The following TMEM47 variants were observed in gnomAD, a reference collection of about 807,000 sequenced individuals.
TMEM47 encodes the protein brain cell membrane protein 1.
A neutral mutation model predicts 12.4 loss-of-function variants in TMEM47; 3 were observed. That is an observed-to-expected ratio of 0.24 (90% confidence interval 0.11 to 0.63). TMEM47 has a LOEUF of 0.63. Among genes scored for constraint, TMEM47 ranks in the 20% least tolerant of loss-of-function variants. The probability of loss-of-function intolerance (pLI) is 0.86; values close to 1 mark genes in which losing one functional copy is unlikely to be tolerated. For missense variants in TMEM47, 89 were observed against 143.8 expected (o/e 0.62, Z 1.95); for synonymous variants, 62 against 63.3 (o/e 0.98, Z 0.10).
At chrX:34,636,243 G>A (rs913318717) in intron 2 of TMEM47, among the ~76,000 whole-genome samples, 1 of 111,288 alleles carries the variant, frequency 9.0e-6, no homozygotes, top group African/African-American at 3.3e-5. Flanking sequence ...GGTGATGAGG[G>A]CTGTAAGACA....
intron 1 of TMEM47, among the ~76,000 whole-genome samples, chrX:34,643,302 C>T (rs766597542): frequency 9.0e-6 from 1 of 110,568 alleles, no homozygotes; most frequent in African/African-American, 3.3e-5. Flanking sequence ...ACTTACCATC[C>T]GAAGTCCAAT....
At chrX:34,653,499 A>G (rs1162546514) in intron 1 of TMEM47, among the ~76,000 whole-genome samples, 3 of 112,095 alleles carry the variant, frequency 2.7e-5, no homozygotes, top group Non-Finnish European at 5.6e-5. Context: ...TCTGCTTTAC[A>G]TGAAATAGCT....
Position 34,630,311 on chromosome X carries a change from T to C in TMEM47, c.*2A>G. ...GTTGTTTTTACTTTGAGACTATTGG[T>C]TCTAGTAGTAGTCTTCATAGTTCTT... On this transcript the variant is annotated 3_prime_UTR_variant, in exon 3 of 3. Transcript: ENST00000275954. 1 of 1,198,469 alleles carries C rather than the reference T, an allele frequency of 8.3e-7. No homozygotes were observed. Among genetic ancestry groups the C allele is most frequent in the Middle Eastern group, 2.3e-4 (1 of 4,292 alleles).
intron 1 of TMEM47, among the ~76,000 whole-genome samples, chrX:34,648,576 C>T (rs1921957063): frequency 8.9e-6 from 1 of 111,859 alleles, no homozygotes; most frequent in Admixed American, 9.5e-5. Context: ...AAACCATAAA[C>T]TATAAACTAC....
At chrX:34,643,900 G>A (rs112512284) in intron 1 of TMEM47, among the ~76,000 whole-genome samples, 5,576 of 109,666 alleles carry the variant, frequency 0.051, 200 homozygotes, top group African/African-American at 0.12. Flanking sequence ...AATGGGATGG[G>A]AGGCATGTTT....
At position 34,630,239 on chromosome X, in the gene TMEM47, G is replaced by A; in HGVS notation, c.*74C>T. ...TGCTCCACAAGTGTTTTAGAAAATAGTAAGTTAGAAAAGATGCAGACGTAA... is the reference window on the plus strand; with the variant it reads ...TGCTCCACAAGTGTTTTAGAAAATAATAAGTTAGAAAAGATGCAGACGTAA... On this transcript the variant is annotated 3_prime_UTR_variant, in exon 3 of 3. Transcript: ENST00000275954. The A allele has an allele frequency of 1.0e-6, 1 of 993,359 alleles. No homozygotes were observed. The highest frequency in any genetic ancestry group is 1.9e-5 in the African/African-American group (1 of 52,849). The allele number at this position is 993,359 out of a possible 1,213,427, so 81.9% of individuals were successfully genotyped here.
At chrX:34,652,250 C>T (rs1424854815) in intron 1 of TMEM47, among the ~76,000 whole-genome samples, 1 of 111,765 alleles carries the variant, frequency 8.9e-6, no homozygotes, top group East Asian at 2.8e-4. Flanking sequence ...GCCCTCAGAA[C>T]CAGAAGTGGT....
At chrX:34,639,833 C>G (rs1056362588) in intron 1 of TMEM47, among the ~76,000 whole-genome samples, 5 of 111,099 alleles carry the variant, frequency 4.5e-5, no homozygotes, top group Non-Finnish European at 7.5e-5. Context: ...TCTCTTGCGC[C>G]CCTTCCCAGT....
chrX:34,651,581 AC>A (rs1380735236), intron 1 of TMEM47, among the ~76,000 whole-genome samples: 2 of 112,119 alleles, frequency 1.8e-5, no homozygotes, highest in East Asian at 5.6e-4. Context: ...TACACGACTA[AC>A]TTTTGTTGTG....
intron 2 of TMEM47, among the ~76,000 whole-genome samples, chrX:34,632,773 T>A (rs748704680): frequency 9.8e-5 from 11 of 111,733 alleles, no homozygotes; most frequent in Non-Finnish European, 1.9e-4. Context: ...GACCCACACT[T>A]CATCTATTTC....
chrX:34,631,710 G>C (rs757043340), intron 2 of TMEM47, among the ~76,000 whole-genome samples: 6 of 111,366 alleles, frequency 5.4e-5, no homozygotes, highest in Non-Finnish European at 1.1e-4. Flanking sequence ...GGAAGGGAAT[G>C]TTTATTTTGT....
chrX:34,636,728 C>T (rs1173551691), intron 2 of TMEM47, among the ~76,000 whole-genome samples: 1 of 111,856 alleles, frequency 8.9e-6, no homozygotes, highest in Non-Finnish European at 1.9e-5. Flanking sequence ...CATGCTGCAT[C>T]AATCAGTTTG....
chrX:34,642,676 C>T (rs1223495269), intron 1 of TMEM47, among the ~76,000 whole-genome samples: 1 of 112,142 alleles, frequency 8.9e-6, no homozygotes, highest in Non-Finnish European at 1.9e-5. Context: ...AGCATTACCA[C>T]TGTTGTGATA....
Position 34,657,215 on chromosome X carries a change from G to C in TMEM47, c.-186C>G. 1 of 652,370 alleles carries C rather than the reference G, an allele frequency of 1.5e-6. No homozygotes were observed. Among genetic ancestry groups the C allele is most frequent in the Non-Finnish European group, 2.0e-6 (1 of 501,036 alleles). 53.8% of individuals were successfully genotyped at this position (652,370 alleles called of 1,213,427 possible). ...GGTCTGCGGAGGCGGCCGGCCGGGT[G>C]TGGGTCGTCGGCAGCCGCAGCGACG... On this transcript the variant is annotated 5_prime_UTR_variant, in exon 1 of 3. Coordinates refer to ENST00000275954, the MANE Select transcript of TMEM47 (RefSeq NM_031442.4).
intron 2 of TMEM47, among the ~76,000 whole-genome samples, chrX:34,638,899 G>T (rs1196916063): frequency 9.0e-6 from 1 of 111,618 alleles, no homozygotes; most frequent in African/African-American, 3.3e-5. Context: ...AAATAATGCT[G>T]CCTTAAGATC....
intron 1 of TMEM47, among the ~76,000 whole-genome samples, chrX:34,654,014 G>A (rs781677807): frequency 9.0e-6 from 1 of 111,650 alleles, no homozygotes; most frequent in African/African-American, 3.3e-5. Context: ...ACTGACAACC[G>A]GATTAGTGGT....
At position 34,629,901 on chromosome X, in the gene TMEM47, G is replaced by T. The variant is rs1292461413; in HGVS notation, c.*412C>A. 8.6e-6 allele frequency: 1 copy of T among 115,753 alleles called. No homozygotes were observed. The highest frequency in any genetic ancestry group is 1.8e-5 in the Non-Finnish European group (1 of 55,880). 9.5% of individuals were successfully genotyped at this position (115,753 alleles called of 1,213,427 possible). ...AGTCATTGGGTAGGATAAGCAGGCG[G>T]TAAGGGCTCTAACAGTGGAATCCTT... On this transcript the variant is annotated 3_prime_UTR_variant, in exon 3 of 3. Coordinates refer to ENST00000275954, the MANE Select transcript of TMEM47 (RefSeq NM_031442.4).
intron 1 of TMEM47, among the ~76,000 whole-genome samples, chrX:34,646,081 C>T (rs370894774): frequency 1.8e-5 from 2 of 111,172 alleles, no homozygotes; most frequent in East Asian, 5.7e-4. Flanking sequence ...GACCAAAATG[C>T]GTGTTAATTT....
At chrX:34,646,749 A>G (rs1050231845) in intron 1 of TMEM47, among the ~76,000 whole-genome samples, 6 of 111,035 alleles carry the variant, frequency 5.4e-5, no homozygotes, top group African/African-American at 2.0e-4. Context: ...AAGAATAATC[A>G]AAGAGTAGAA....
Sources: gnomAD v4.1 joint callset for allele counts (sites outside exome capture counted in the v4.1 genomes callset) on GRCh38, gnomAD v4.1.1 for gene constraint, MANE v1.5 for transcripts, NCBI Gene and HGNC (gene_info 2026-07-23, HGNC 2026-07-21) for gene names.